ASXL3: variants seen among roughly 807,000 people sequenced by gnomAD.
ASXL3 encodes the protein putative Polycomb group protein ASXL3.
A neutral mutation model predicts 170.6 loss-of-function variants in ASXL3; 34 were observed. The observed-to-expected ratio is 0.20, with a 90% CI of 0.15 to 0.27. ASXL3 has a LOEUF of 0.27. Ranked by LOEUF, ASXL3 falls within the 10% of genes least tolerant of loss-of-function variation. The probability of loss-of-function intolerance (pLI) is 1.00; values close to 1 mark genes in which losing one functional copy is unlikely to be tolerated. For missense variants in ASXL3, 2,592 were observed against 2,695.3 expected, an observed-to-expected ratio of 0.96 and a Z score of 0.85; for synonymous variants, 1,002 against 989.1, an observed-to-expected ratio of 1.01 and a Z score of -0.24.
At chr18:33,684,362 C>A (rs2066559957) in intron 8 of ASXL3, among the ~76,000 whole-genome samples, 1 of 152,114 alleles carries the variant, frequency 6.6e-6, no homozygotes, top group South Asian at 2.1e-4. Context: ...ATGATAGGTA[C>A]ATCCATGAAT....
At chr18:33,644,478 G>A (rs368946147) in intron 2 of ASXL3, among the ~76,000 whole-genome samples, 2 of 135,124 alleles carry the variant, frequency 1.5e-5, no homozygotes, top group African/African-American at 5.4e-5. Flanking sequence ...GGGTTTTTTT[G>A]TTTTTTTTTT....
chr18:33,621,718 A>G (rs539482535), intron 2 of ASXL3, among the ~76,000 whole-genome samples: 19 of 152,144 alleles, frequency 1.2e-4, no homozygotes, highest in Non-Finnish European at 2.2e-4. Flanking sequence ...ACGACCTCGC[A>G]GAGAGAAATC....
intron 8 of ASXL3, among the ~76,000 whole-genome samples, chr18:33,707,571 G>A (rs910886465): frequency 1.3e-5 from 2 of 151,832 alleles, no homozygotes; most frequent in African/African-American, 4.8e-5. Flanking sequence ...AATTTTAATA[G>A]TGTATGGTTT....
chr18:33,582,172 A>G (rs1346420474), intron 1 of ASXL3, among the ~76,000 whole-genome samples: 1 of 152,346 alleles, frequency 6.6e-6, no homozygotes, highest in African/African-American at 2.4e-5. Flanking sequence ...TGTAGACCAC[A>G]ATAAGAATAA....
intron 8 of ASXL3, among the ~76,000 whole-genome samples, chr18:33,726,007 T>G (rs1000063252): frequency 2.6e-5 from 4 of 152,158 alleles, no homozygotes; most frequent in Non-Finnish European, 4.4e-5. Context: ...TAGTCTTGCC[T>G]TTGTCCAGGG....
chr18:33,671,549 G>C (rs1248214916), intron 6 of ASXL3, among the ~76,000 whole-genome samples, 198 bp from the exon 7 acceptor site: 2 of 152,106 alleles, frequency 1.3e-5, no homozygotes, highest in African/African-American at 4.8e-5. Flanking sequence ...TAGGCCATCT[G>C]TTCTTGCTTT....
chr18:33,677,981 G>A (rs1312496515), intron 7 of ASXL3, among the ~76,000 whole-genome samples: 2 of 152,138 alleles, frequency 1.3e-5, no homozygotes, highest in Non-Finnish European at 2.9e-5. Flanking sequence ...CCTCAAACTC[G>A]TGAGCTCAGG....
At chr18:33,580,164 C>T (rs2064980043) in intron 1 of ASXL3, among the ~76,000 whole-genome samples, 1 of 152,138 alleles carries the variant, frequency 6.6e-6, no homozygotes, top group Non-Finnish European at 1.5e-5. Context: ...TTGCGTTAAT[C>T]GCTAAATCTC....
chr18:33,745,417 G>A lies in ASXL3; in HGVS notation c.5569G>A (p.Val1857Met), dbSNP rs1467143014. 2.5e-6 allele frequency: 4 copies of A among 1,613,948 alleles called. No individual in the cohort carries two copies. The highest frequency in any genetic ancestry group is 3.4e-6 in the Non-Finnish European group (4 of 1,179,880). ...GTTGGTGGAGCCAGATGTTAAAGGG[G>A]TGCCTTGTGTCATCAGTTCCGGCAT... ...KLLVEPDVKG[V>M]PCVISSGISQ... Residue 1857 changes from valine (V) to methionine (M), a missense_variant, in exon 12 of 12, where the codon GTG (valine) becomes ATG (methionine). By Grantham distance (21) the Val-to-Met change is conservative. This residue lies in a region of ASXL3 where 2,246 missense variants were observed against 2,219.6 expected (regional missense o/e 1.01). Coordinates refer to ENST00000269197, the MANE Select transcript of ASXL3 (RefSeq NM_030632.3).
In ASXL3 at chr18:33,749,425, A is replaced by T. The variant is rs2067849473; in HGVS notation, c.*2830A>T. The T allele has an allele frequency of 6.6e-6, 1 of 151,900 alleles. No individual in the cohort carries two copies. The highest frequency in any genetic ancestry group is 2.1e-4 in the South Asian group (1 of 4,834). The allele number at this position is 151,900 out of a possible 1,614,324, so 9.4% of individuals were successfully genotyped here. The stretch of plus-strand genomic sequence containing the variant: ...TATTCTTATCAGGAATAGAACTTGC[A>T]CATGTACCATACAATTTTTTTTTTT... On this transcript the variant is annotated 3_prime_UTR_variant, in exon 12 of 12. Coordinates refer to ENST00000269197, the MANE Select transcript of ASXL3 (RefSeq NM_030632.3).
chr18:33,745,702 T>C lies in ASXL3; in HGVS notation c.5854T>C (p.Ser1952Pro), dbSNP rs749486476. 1 of 1,613,966 alleles carries C rather than the reference T, an allele frequency of 6.2e-7. No homozygotes were observed. The highest frequency in any genetic ancestry group is 1.6e-4 in the Middle Eastern group (1 of 6,062). ...TACTGCAGCTCTGTTACAGGCCTCT[T>C]CCAAGACCCCAGTGGGGTGTAATGC... Reference protein sequence around the residue: ...IPTAALLQASSKTPVGCNAFA... With the variant: ...IPTAALLQASPKTPVGCNAFA... Residue 1952 changes from serine (S) to proline (P), a missense_variant, in exon 12 of 12, where the codon TCC (serine) becomes CCC (proline). Around this residue, in one of 4 missense-constraint regions of ASXL3, gnomAD observed 2,246 missense variants for 2,219.6 expected, o/e 1.01. Transcript: ENST00000269197.
chr18:33,739,296 A>T lies in ASXL3; in HGVS notation c.1892A>T (p.Glu631Val), dbSNP rs1466871493. ...ACTSLPSPGG[E>V]TQSTSEESCT... ...ACCAGCCTGCCTTCTCCAGGAGGGG[A>T]AACACAGTCCACATCAGAAGAATCA... Residue 631 changes from glutamate to valine, a missense_variant, in exon 11 of 12, where the codon GAA becomes GTA. Coordinates refer to ENST00000269197, the MANE Select transcript of ASXL3 (RefSeq NM_030632.3). The T allele has an allele frequency of 6.2e-7, 1 of 1,613,470 alleles. No homozygotes were observed. Among genetic ancestry groups the T allele is most frequent in the Non-Finnish European group, 8.5e-7 (1 of 1,179,728 alleles).
intron 7 of ASXL3, among the ~76,000 whole-genome samples, chr18:33,672,154 A>G (rs1447769569): frequency 2.6e-5 from 4 of 152,140 alleles, no homozygotes; most frequent in Admixed American, 1.3e-4. Context: ...TCATGATACT[A>G]TCTAATGTGC....
chr18:33,746,084 T>C lies in ASXL3; in HGVS notation c.6236T>C (p.Ile2079Thr), dbSNP rs751262206. Residue 2079 changes from isoleucine (I) to threonine (T), a missense_variant, in exon 12 of 12, where the codon ATA becomes ACA. Ile to Thr is a moderately conservative substitution (Grantham distance 89). This residue lies in a region of ASXL3 where 2,246 missense variants were observed against 2,219.6 expected (regional missense o/e 1.01). Coordinates refer to ENST00000269197, the MANE Select transcript of ASXL3 (RefSeq NM_030632.3). ...WPQSTGICSN[I>T]KSEPLSFEEG... ...CAGTCCACGGGCATATGTAGCAATA[T>C]AAAATCGGAACCTCTTTCTTTTGAG... The C allele has an allele frequency of 5.0e-6, 8 of 1,613,448 alleles. No homozygotes were observed.
intron 1 of ASXL3, chr18:33,578,900 C>G: frequency 4.8e-6 from 1 of 208,002 alleles, no homozygotes; most frequent in South Asian, 1.8e-4. Flanking sequence ...TCTCCGGGAG[C>G]CCCGCGTCCG....
intron 2 of ASXL3, among the ~76,000 whole-genome samples, chr18:33,633,276 C>G (rs1292079045): frequency 6.6e-6 from 1 of 152,070 alleles, no homozygotes; most frequent in Non-Finnish European, 1.5e-5. Context: ...ACAAAGAGAA[C>G]ACTATATAAA....
intron 1 of ASXL3, among the ~76,000 whole-genome samples, chr18:33,588,950 T>A (rs530753220): frequency 1.3e-5 from 2 of 152,184 alleles, no homozygotes; most frequent in Admixed American, 6.6e-5. Flanking sequence ...TTATACCCAG[T>A]AAATCACTGA....
At position 33,590,111 on chromosome 18, in the gene ASXL3, G is replaced by GTTTTTTTTTTTTT. The variant is rs567969303; in HGVS notation, c.54+11433_54+11445dup. ...TGTCGTCAAGGTATTTGCTTTCTAT[G>GTTTTTTTTTTTTT]TTTTTTTTTTTTTTTTTTTGCTTTG... On this transcript the variant is annotated intron_variant, in intron 1 of 11. Coordinates refer to ENST00000269197, the MANE Select transcript of ASXL3 (RefSeq NM_030632.3). Among the ~76,000 whole-genome samples the GTTTTTTTTTTTTT allele has an allele frequency of 5.4e-4, 45 of 83,140 alleles. 5 individuals are homozygous for GTTTTTTTTTTTTT. Among genetic ancestry groups the GTTTTTTTTTTTTT allele is most frequent in the African/African-American group, 2.5e-3 (37 of 14,510 alleles). 54.5% of individuals were successfully genotyped at this position (83,140 alleles called of 152,430 possible). A position where few individuals can be genotyped will look rare whatever the true frequency, so the allele number is the denominator to read the frequency against.
chr18:33,665,278 G>A (rs2066239240), intron 5 of ASXL3, among the ~76,000 whole-genome samples: 1 of 152,112 alleles, frequency 6.6e-6, no homozygotes, highest in South Asian at 2.1e-4. Context: ...TCATAAAGTT[G>A]CAGATGCATT....
Sources: gnomAD v4.1 joint callset for allele counts (sites outside exome capture counted in the v4.1 genomes callset) on GRCh38, gnomAD v4.1.1 for gene constraint, gnomAD v4.1.1 regional missense constraint, MANE v1.5 for transcripts, NCBI Gene and HGNC (gene_info 2026-07-23, HGNC 2026-07-21) for gene names.